Variants in RIT2 observed in about 807,000 individuals in gnomAD.
RIT2 encodes the protein GTP-binding protein Rit2.
Under a neutral mutation model 23.7 loss-of-function variants are expected in RIT2, and 24 were observed. The observed-to-expected ratio is 1.01, with a 90% CI of 0.73 to 1.43. RIT2 has a LOEUF of 1.43. Ranked by LOEUF, RIT2 falls within the 40% of genes most tolerant of loss-of-function variation. The pLI, the probability that RIT2 is intolerant of heterozygous loss-of-function variation, is 0.00. For synonymous variants in RIT2, 107 were observed against 91.1 expected (o/e 1.17, Z -0.99); for missense variants, 236 against 266.9 (o/e 0.88, Z 0.81).
intron 1 of RIT2, among the ~76,000 whole-genome samples, chr18:43,037,303 A>G (rs1912004461): frequency 6.6e-6 from 1 of 152,332 alleles, no homozygotes; most frequent in South Asian, 2.1e-4. Context: ...GAACAATGCA[A>G]TTGTGAATTG....
At chr18:42,914,713 G>A (rs1036621758) in intron 4 of RIT2, among the ~76,000 whole-genome samples, 1 of 151,864 alleles carries the variant, frequency 6.6e-6, no homozygotes, top group East Asian at 1.9e-4. Context: ...GGTTAAGCAG[G>A]CTACACACGT....
At chr18:42,938,106 A>G (rs1438142606) in intron 3 of RIT2, among the ~76,000 whole-genome samples, 1 of 152,182 alleles carries the variant, frequency 6.6e-6, no homozygotes, top group Non-Finnish European at 1.5e-5. Context: ...TCTAAGAAAG[A>G]AAAGAGAGTG....
At chr18:43,043,580 C>A (rs936774834) in intron 1 of RIT2, among the ~76,000 whole-genome samples, 6 of 152,102 alleles carry the variant, frequency 3.9e-5, no homozygotes, top group Non-Finnish European at 5.9e-5. Flanking sequence ...TACCTGAGGT[C>A]AGGAGTTCAA....
intron 3 of RIT2, among the ~76,000 whole-genome samples, chr18:42,932,271 C>T (rs537068178): frequency 8.9e-4 from 136 of 152,246 alleles, no homozygotes; most frequent in Middle Eastern, 3.4e-3. Flanking sequence ...AGCTTAGTTA[C>T]ACCTCCTGAG....
chr18:42,757,352 G>C (rs1913187828), intron 4 of RIT2, among the ~76,000 whole-genome samples: 1 of 152,176 alleles, frequency 6.6e-6, no homozygotes, highest in African/African-American at 2.4e-5. Context: ...ATGCCTTCTT[G>C]AATGGAATCT....
chr18:42,982,064 A>T (rs1910610369), intron 2 of RIT2, among the ~76,000 whole-genome samples: 1 of 152,144 alleles, frequency 6.6e-6, no homozygotes, highest in African/African-American at 2.4e-5. Flanking sequence ...AAGAAATTTT[A>T]TATTTCACAA....
chr18:42,936,472 TTTCAGAGAACTCATAAACAGGAACCA>T, intron 3 of RIT2, among the ~76,000 whole-genome samples: 1 of 152,120 alleles, frequency 6.6e-6, no homozygotes, highest in East Asian at 1.9e-4. Context: ...GTTGTTTCAG[TTTCAGAGAACTCATAAACAGGAACCA>T]TTCTGAGTAA....
intron 1 of RIT2, among the ~76,000 whole-genome samples, chr18:43,111,236 A>G (rs998186987): frequency 6.6e-6 from 1 of 152,154 alleles, no homozygotes; most frequent in African/African-American, 2.4e-5. Flanking sequence ...TCATTTGTGG[A>G]AGTTAAAAAT....
intron 4 of RIT2, among the ~76,000 whole-genome samples, chr18:42,784,380 T>C (rs568846779): frequency 6.6e-5 from 10 of 152,210 alleles, no homozygotes; most frequent in East Asian, 1.9e-4. Context: ...TTTCAACCAC[T>C]GTGCTGCTAT....
Position 43,115,401 on chromosome 18 carries a change from T to G in RIT2, c.103+16A>C. 6.2e-7 allele frequency: 1 copy of G among 1,612,916 alleles called. No homozygotes were observed. The highest frequency in any genetic ancestry group is 2.2e-5 in the East Asian group (1 of 44,774). ...TAGAGGTCCCTCCTTCCCCAGCATT[T>G]GGTGTGAAAACTTACCGCTTTTACC... On this transcript the variant is annotated intron_variant, in intron 1 of 4. Transcript: ENST00000326695.
At chr18:42,878,223 T>G (rs1465958762) in intron 4 of RIT2, among the ~76,000 whole-genome samples, 1 of 151,448 alleles carries the variant, frequency 6.6e-6, no homozygotes, top group Non-Finnish European at 1.5e-5. Context: ...AAAACTTAAC[T>G]AATAGCCTGC....
intron 4 of RIT2, among the ~76,000 whole-genome samples, chr18:42,865,146 T>C (rs548149691): frequency 6.6e-6 from 1 of 152,172 alleles, no homozygotes; most frequent in South Asian, 2.1e-4. Flanking sequence ...TTTGTAACAA[T>C]CCCTCACAAC....
intron 4 of RIT2, among the ~76,000 whole-genome samples, chr18:42,883,115 GGT>G (rs144887838): frequency 6.6e-5 from 10 of 150,960 alleles, no homozygotes; most frequent in South Asian, 4.2e-4. Flanking sequence ...AAATGGAAGT[GGT>G]GTGTGTGTGT....
chr18:43,090,345 G>A lies in RIT2; in HGVS notation c.103+25072C>T, dbSNP rs560123084. On this transcript the variant is annotated intron_variant, in intron 1 of 4. Transcript: ENST00000326695. ...GATACCATCTCACACCATTCAGAAT[G>A]GCTATTACTAGAAAGTCAAAAAATA... is the stretch of plus-strand genomic sequence containing the variant. Among the ~76,000 whole-genome samples the A allele has an allele frequency of 2.0e-5, 3 of 152,188 alleles. No individual in the cohort carries two copies. In the South Asian group the frequency reaches 6.2e-4, roughly 32 times the overall value.
At chr18:42,979,704 A>G (rs1910553316) in intron 2 of RIT2, among the ~76,000 whole-genome samples, 1 of 152,138 alleles carries the variant, frequency 6.6e-6, no homozygotes, top group Non-Finnish European at 1.5e-5. Flanking sequence ...AATCTAATGT[A>G]TGTATCAATA....
intron 1 of RIT2, among the ~76,000 whole-genome samples, chr18:43,098,210 A>G (rs1913600544): frequency 6.6e-6 from 1 of 151,904 alleles, no homozygotes; most frequent in Admixed American, 6.6e-5. Flanking sequence ...GCAGTGTTGG[A>G]AGTTGTATTA....
chr18:43,077,727 C>T (rs1913059368), intron 1 of RIT2, among the ~76,000 whole-genome samples: 2 of 152,158 alleles, frequency 1.3e-5, no homozygotes, highest in African/African-American at 2.4e-5. Flanking sequence ...ATTGTGCCCA[C>T]CACCTGTCAC....
At chr18:42,775,047 T>C (rs1913635513) in intron 4 of RIT2, among the ~76,000 whole-genome samples, 1 of 152,220 alleles carries the variant, frequency 6.6e-6, no homozygotes, top group African/African-American at 2.4e-5. Flanking sequence ...CTTATGTGTT[T>C]ATCAGTTTAT....
At chr18:42,807,015 G>A (rs912449374) in intron 4 of RIT2, among the ~76,000 whole-genome samples, 17 of 152,138 alleles carry the variant, frequency 1.1e-4, no homozygotes, top group African/African-American at 3.9e-4. Context: ...TGAAGGGTGC[G>A]TGGCTTTAAA....
Sources: gnomAD v4.1 joint callset for allele counts (sites outside exome capture counted in the v4.1 genomes callset) on GRCh38, gnomAD v4.1.1 for gene constraint, MANE v1.5 for transcripts, NCBI Gene and HGNC (gene_info 2026-07-23, HGNC 2026-07-21) for gene names.